The following FMNL2 variants were observed in gnomAD, a reference collection of about 807,000 sequenced individuals.
FMNL2 encodes formin-like protein 2.
FMNL2 carries 51 observed loss-of-function variants against 130.2 expected under a neutral mutation model. That is an observed-to-expected ratio of 0.39 (90% confidence interval 0.31 to 0.49). FMNL2 has a LOEUF of 0.49. Among genes scored for constraint, FMNL2 ranks in the 20% least tolerant of loss-of-function variants. FMNL2 has a pLI of 0.85. For missense variants in FMNL2, 977 were observed against 1,316.2 expected, an observed-to-expected ratio of 0.74 and a Z score of 3.99; for synonymous variants, 465 against 467.1, an observed-to-expected ratio of 1.00 and a Z score of 0.06.
intron 1 of FMNL2, among the ~76,000 whole-genome samples, chr2:152,468,449 T>G (rs1164073967): frequency 6.6e-6 from 1 of 152,222 alleles, no homozygotes; most frequent in Non-Finnish European, 1.5e-5. Context: ...CTTGGGTATG[T>G]GAACCTGTTT....
chr2:152,629,284 G>T (rs1682007234), intron 18 of FMNL2, among the ~76,000 whole-genome samples: 2 of 151,904 alleles, frequency 1.3e-5, no homozygotes, highest in African/African-American at 2.4e-5. Flanking sequence ...CTCCTTCATT[G>T]ATTTAAAAAT....
rs539074235 is a variant in FMNL2, at chr2:152,494,124, G to A, written c.118-27819G>A. On this transcript the variant is annotated intron_variant, in intron 1 of 25. Coordinates refer to ENST00000288670, the MANE Select transcript of FMNL2 (RefSeq NM_052905.4). ...TCTGCAGTGCTGGTTAGGGCAGAGT[G>A]GGGCAGTTCCTCTGGAAGACGGTAT... 1.5e-4 allele frequency among the ~76,000 whole-genome samples: 23 copies of A among 152,310 alleles called. No homozygotes were observed. The South Asian group carries it at 4.6e-3, about 30-fold the overall frequency.
At chr2:152,639,838 T>A in intron 23 of FMNL2, 120 bp from the exon 24 acceptor site, 1 of 650,530 alleles carries the variant, frequency 1.5e-6, no homozygotes, top group Non-Finnish European at 2.3e-6. Flanking sequence ...GTAGATCTTC[T>A]CAACCTTCCA....
intron 1 of FMNL2, among the ~76,000 whole-genome samples, chr2:152,500,562 G>A (rs4664111): frequency 0.059 from 9,006 of 152,216 alleles, 542 homozygotes; most frequent in Admixed American, 0.21. Context: ...CTTAAAATGA[G>A]CATCAAGCCG....
intron 1 of FMNL2, among the ~76,000 whole-genome samples, chr2:152,400,895 C>A (rs1685658455): frequency 6.6e-6 from 1 of 152,180 alleles, no homozygotes; most frequent in South Asian, 2.1e-4. Context: ...AGTTTTCTTT[C>A]TTTTTTCTTC....
intron 21 of FMNL2, among the ~76,000 whole-genome samples, chr2:152,635,110 A>T (rs1443621021): frequency 6.6e-6 from 1 of 152,168 alleles, no homozygotes; most frequent in Non-Finnish European, 1.5e-5. Flanking sequence ...ACGATTTTTT[A>T]AAAAGTTTTC....
intron 2 of FMNL2, among the ~76,000 whole-genome samples, chr2:152,524,330 A>G (rs10497102): frequency 0.062 from 9,506 of 152,254 alleles, 454 homozygotes; most frequent in East Asian, 0.21. Flanking sequence ...GACTCATTGC[A>G]TAAATACAAA....
chr2:152,402,187 C>T (rs1287096337), intron 1 of FMNL2, among the ~76,000 whole-genome samples: 1 of 152,178 alleles, frequency 6.6e-6, no homozygotes, highest in Non-Finnish European at 1.5e-5. Flanking sequence ...CAGGCGTGAG[C>T]CACTACGCCC....
intron 1 of FMNL2, among the ~76,000 whole-genome samples, chr2:152,515,418 T>G (rs1692714758): frequency 6.6e-6 from 1 of 152,144 alleles, no homozygotes; most frequent in Non-Finnish European, 1.5e-5. Flanking sequence ...CCCAGTCAGT[T>G]TTTTGGCTCC....
At chr2:152,366,515 TCTG>T (rs1175219006) in intron 1 of FMNL2, among the ~76,000 whole-genome samples, 2 of 152,180 alleles carry the variant, frequency 1.3e-5, no homozygotes, top group African/African-American at 4.8e-5. Flanking sequence ...TGCATTTGCC[TCTG>T]CTGAAGTGCT....
At chr2:152,516,392 G>C (rs975008530) in intron 1 of FMNL2, among the ~76,000 whole-genome samples, 1 of 152,016 alleles carries the variant, frequency 6.6e-6, no homozygotes, top group Admixed American at 6.6e-5. Context: ...AGCTCTAAAA[G>C]ATTGTCTAAG....
chr2:152,430,475 C>A (rs947701964), intron 1 of FMNL2, among the ~76,000 whole-genome samples: 2 of 152,174 alleles, frequency 1.3e-5, no homozygotes, highest in African/African-American at 4.8e-5. Context: ...TGCCTTAGAG[C>A]CCAGGCCTAT....
intron 2 of FMNL2, among the ~76,000 whole-genome samples, chr2:152,537,381 T>C (rs952794693): frequency 2.0e-5 from 3 of 152,080 alleles, no homozygotes; most frequent in African/African-American, 7.2e-5. Context: ...AGGCAACCAG[T>C]AGGGAAAGAG....
At chr2:152,393,417 A>G (rs1302948052) in intron 1 of FMNL2, among the ~76,000 whole-genome samples, 2 of 152,224 alleles carry the variant, frequency 1.3e-5, no homozygotes, top group African/African-American at 4.8e-5. Context: ...GATTATGTCC[A>G]TAGGATAGAT....
chr2:152,488,375 A>G (rs1478221182), intron 1 of FMNL2, among the ~76,000 whole-genome samples: 1 of 152,260 alleles, frequency 6.6e-6, no homozygotes, highest in Non-Finnish European at 1.5e-5. Flanking sequence ...TTAGCTACTT[A>G]AGCCTAGGTG....
rs1685010122 is a variant in FMNL2, at chr2:152,389,955, C to T, written c.117+54235C>T. On this transcript the variant is annotated intron_variant, in intron 1 of 25. Transcript: ENST00000288670. ...TGGCCAAGGAAGCCAAGTCAGAGAC[C>T]TCGGGGCCCCAGATAAAGGCAGACA... 14 of 1,294,742 alleles carry T rather than the reference C, an allele frequency of 1.1e-5. No homozygotes were observed. The South Asian group carries it at 1.7e-4, about 16-fold the overall frequency. The allele number at this position is 1,294,742 out of a possible 1,614,324, so 80.2% of individuals were successfully genotyped here. A position where few individuals can be genotyped will look rare whatever the true frequency, so the allele number is the denominator to read the frequency against.
intron 1 of FMNL2, among the ~76,000 whole-genome samples, chr2:152,356,454 G>A (rs1682786929): frequency 6.6e-6 from 1 of 152,158 alleles, no homozygotes; most frequent in Non-Finnish European, 1.5e-5. Flanking sequence ...TTTGAATTAT[G>A]TTCATTGAAT....
intron 2 of FMNL2, among the ~76,000 whole-genome samples, chr2:152,526,082 G>A (rs1200812307): frequency 6.6e-6 from 1 of 152,132 alleles, no homozygotes; most frequent in East Asian, 1.9e-4. Context: ...GGTTTTTAGT[G>A]TTGGTTATTT....
chr2:152,593,900 TGTGA>T (rs1287450833), intron 9 of FMNL2, among the ~76,000 whole-genome samples: 656 of 80,716 alleles, frequency 8.1e-3, no homozygotes, highest in African/African-American at 0.012. Flanking sequence ...TGTGTGTGTG[TGTGA>T]GAGAGAGAGA....
Sources: gnomAD v4.1 joint callset for allele counts (sites outside exome capture counted in the v4.1 genomes callset) on GRCh38, gnomAD v4.1.1 for gene constraint, MANE v1.5 for transcripts, NCBI Gene and HGNC (gene_info 2026-07-23, HGNC 2026-07-21) for gene names.